PHC3: variants seen among roughly 807,000 people sequenced by gnomAD.
PHC3 encodes polyhomeotic-like protein 3.
In PHC3, 13 loss-of-function variants were observed where a neutral mutation model predicts 107.4. The ratio of observed to expected loss-of-function variants is 0.12; its 90% CI spans 0.08 to 0.19. The LOEUF (loss-of-function observed/expected upper bound fraction) is 0.19, where lower values mean the gene tolerates loss of function less well. PHC3 is among the 10% of genes least tolerant of loss of function. The pLI, the probability that PHC3 is intolerant of heterozygous loss-of-function variation, is 1.00. For synonymous variants in PHC3, 456 were observed against 427.4 expected, an observed-to-expected ratio of 1.07 and a Z score of -0.83; for missense variants, 992 against 1,210.9, an observed-to-expected ratio of 0.82 and a Z score of 2.68.
chr3:170,132,583 A>G (rs1722435495), intron 7 of PHC3, among the ~76,000 whole-genome samples: 1 of 152,150 alleles, frequency 6.6e-6, no homozygotes, highest in Non-Finnish European at 1.5e-5. Context: ...TCCACCCACC[A>G]CACACTCAAG....
chr3:170,136,863 T>C (rs926253740), intron 6 of PHC3, among the ~76,000 whole-genome samples, 198 bp from the exon 7 acceptor site: 1 of 149,818 alleles, frequency 6.7e-6, no homozygotes, highest in African/African-American at 2.5e-5. Context: ...AAATATTAAG[T>C]GGCAATTTTT....
chr3:170,140,530 A>G (rs899114657), intron 6 of PHC3, among the ~76,000 whole-genome samples: 4 of 146,806 alleles, frequency 2.7e-5, no homozygotes, highest in Non-Finnish European at 4.5e-5. Context: ...CTGGGATTAC[A>G]TGCGTGAGCC....
intron 6 of PHC3, among the ~76,000 whole-genome samples, chr3:170,139,201 T>TAATAGATG (rs1432542855): frequency 9.8e-5 from 15 of 152,328 alleles, no homozygotes; most frequent in African/African-American, 3.6e-4. Context: ...TCCCTGCAGT[T>TAATAGATG]CGGTGCTGCA....
At position 170,102,719 on chromosome 3, in the gene PHC3, T is replaced by C. The variant is rs748608833; in HGVS notation, c.2602-9A>G. The C allele has an allele frequency of 6.2e-7, 1 of 1,613,762 alleles. No homozygotes were observed. Among genetic ancestry groups the C allele is most frequent in the East Asian group, 2.2e-5 (1 of 44,870 alleles). On this transcript the variant is annotated splice_polypyrimidine_tract_variant and intron_variant, in intron 13 of 14. Coordinates refer to ENST00000495893, the MANE Select transcript of PHC3 (RefSeq NM_024947.4). ...GGATAAGTAATTGGAAGCTGGAAAATGTAGTACAAGCAAAATACAGCATTG... is the reference window on the plus strand; with the variant it reads ...GGATAAGTAATTGGAAGCTGGAAAACGTAGTACAAGCAAAATACAGCATTG...
At chr3:170,129,655 C>A in intron 7 of PHC3, 103 bp from the exon 8 acceptor site, 3 of 1,145,078 alleles carry the variant, frequency 2.6e-6, no homozygotes, top group South Asian at 3.3e-5. Context: ...TCATAATCAT[C>A]AGAATTCTAT....
chr3:170,115,241 A>G (rs1473859811), intron 10 of PHC3, among the ~76,000 whole-genome samples: 1 of 152,152 alleles, frequency 6.6e-6, no homozygotes, highest in Non-Finnish European at 1.5e-5. Context: ...GGATGTTCAT[A>G]AAGTGAAATA....
At chr3:170,156,231 A>AT (rs1726872853) in intron 4 of PHC3, among the ~76,000 whole-genome samples, 1 of 151,758 alleles carries the variant, frequency 6.6e-6, no homozygotes, top group African/African-American at 2.4e-5. Context: ...GATTACAGGC[A>AT]TGAGCCACCA....
chr3:170,107,024 T>G, intron 11 of PHC3, 78 bp from the exon 12 acceptor site: 1 of 974,302 alleles, frequency 1.0e-6, no homozygotes, highest in Middle Eastern at 2.2e-4. Flanking sequence ...TATACTTTGG[T>G]TGGATACTGC....
intron 4 of PHC3, among the ~76,000 whole-genome samples, chr3:170,164,534 A>G (rs1292305659): frequency 6.6e-6 from 1 of 152,154 alleles, no homozygotes; most frequent in Non-Finnish European, 1.5e-5. Context: ...TGGAGTAGAC[A>G]TACTTGTCCC....
chr3:170,173,805 A>C (rs2108763538), intron 2 of PHC3, among the ~76,000 whole-genome samples: 1 of 152,332 alleles, frequency 6.6e-6, no homozygotes, highest in East Asian at 1.9e-4. Flanking sequence ...ACTGATGGGT[A>C]GCTAGATTAG....
chr3:170,158,206 T>C (rs1043904536), intron 4 of PHC3, among the ~76,000 whole-genome samples: 1 of 152,128 alleles, frequency 6.6e-6, no homozygotes, highest in Non-Finnish European at 1.5e-5. Flanking sequence ...AAGTCTATTT[T>C]TATATTAAAA....
intron 4 of PHC3, among the ~76,000 whole-genome samples, chr3:170,154,667 C>T (rs1248608153): frequency 2.0e-5 from 3 of 152,234 alleles, no homozygotes; most frequent in South Asian, 2.1e-4. Flanking sequence ...ACGCCCTAAC[C>T]ACCTGTATTC....
chr3:170,111,416 G>GGAAA (rs956696989), intron 11 of PHC3, among the ~76,000 whole-genome samples: 7 of 148,220 alleles, frequency 4.7e-5, no homozygotes, highest in African/African-American at 1.7e-4. Flanking sequence ...AAGGAAGGAA[G>GGAAA]GAAAGAAGGA....
Position 170,097,604 on chromosome 3 carries a change from G to A in PHC3, c.2834-220C>T, listed in dbSNP as rs1163632178. 1.3e-5 allele frequency among the ~76,000 whole-genome samples: 2 copies of A among 152,068 alleles called. No homozygotes were observed. The highest frequency in any genetic ancestry group is 2.9e-5 in the Non-Finnish European group (2 of 68,018). On this transcript the variant is annotated intron_variant, in intron 14 of 14. Transcript: ENST00000495893. This position sits in a 1 kb window ranked among gnomAD's most constrained non-coding sequence, Gnocchi z 4.1. ...AAATCCAGGTAAAGCAATTTGCTTG[G>A]AATTCTTGCTCTAAAATAATGTTAT... is the stretch of plus-strand genomic sequence containing the variant.
intron 9 of PHC3, among the ~76,000 whole-genome samples, chr3:170,119,053 AAAG>A (rs1719653405): frequency 6.6e-6 from 1 of 151,268 alleles, no homozygotes; most frequent in African/African-American, 2.4e-5. Context: ...AAAAAAAAAA[AAAG>A]AAAAAGAAAA....
In PHC3 at chr3:170,091,987, C is replaced by A. The variant is rs891870238; in HGVS notation, c.*5243G>T. ...GAACTTCTAATAAAAGAGGACGTATCTTCCCAAATAATTTTTTGTTTTGTT... is the reference window on the plus strand; with the variant it reads ...GAACTTCTAATAAAAGAGGACGTATATTCCCAAATAATTTTTTGTTTTGTT... On this transcript the variant is annotated 3_prime_UTR_variant, in exon 15 of 15. Coordinates refer to ENST00000495893, the MANE Select transcript of PHC3 (RefSeq NM_024947.4). The A allele has an allele frequency of 3.3e-5, 5 of 152,048 alleles. No homozygotes were observed. The highest frequency in any genetic ancestry group is 7.4e-5 in the Non-Finnish European group (5 of 67,988). 9.4% of individuals were successfully genotyped at this position (152,048 alleles called of 1,614,324 possible). A position where few individuals can be genotyped will look rare whatever the true frequency, so the allele number is the denominator to read the frequency against.
chr3:170,168,305 C>G (rs1326250743), intron 4 of PHC3, among the ~76,000 whole-genome samples: 1 of 152,132 alleles, frequency 6.6e-6, no homozygotes, highest in East Asian at 1.9e-4. Flanking sequence ...TCCCATTTTG[C>G]TGTTTTCACT....
At chr3:170,114,517 G>A (rs1054893936) in intron 10 of PHC3, among the ~76,000 whole-genome samples, 62 of 152,274 alleles carry the variant, frequency 4.1e-4, no homozygotes, top group African/African-American at 1.3e-3. Context: ...AAAACAGAAT[G>A]AGGACTAGAA....
chr3:170,156,617 A>G (rs949480091), intron 4 of PHC3, among the ~76,000 whole-genome samples: 1 of 149,020 alleles, frequency 6.7e-6, no homozygotes, highest in African/African-American at 2.5e-5. Context: ...TTTTTTTTTG[A>G]GATGGAGTCT....
Sources: gnomAD v4.1 joint callset for allele counts (sites outside exome capture counted in the v4.1 genomes callset) on GRCh38, gnomAD v4.1.1 for gene constraint, Gnocchi (gnomAD v3.1) non-coding constraint, MANE v1.5 for transcripts, NCBI Gene and HGNC (gene_info 2026-07-23, HGNC 2026-07-21) for gene names.